The following CPQ variants were observed in gnomAD, a reference collection of about 807,000 sequenced individuals.
CPQ encodes the protein Ser-Met dipeptidase.
A neutral mutation model predicts 45.7 loss-of-function variants in CPQ; 37 were observed. The ratio of observed to expected loss-of-function variants is 0.81; its 90% CI spans 0.62 to 1.07. The LOEUF is 1.07. Among genes scored for constraint, CPQ ranks in the 50% least tolerant of loss-of-function variants. CPQ has a pLI of 0.00. For missense variants in CPQ, 537 were observed against 572.9 expected (o/e 0.94, Z 0.64); for synonymous variants, 186 against 205.8 (o/e 0.90, Z 0.82).
At chr8:96,681,819 C>A (rs921524878) in intron 1 of CPQ, among the ~76,000 whole-genome samples, 2 of 152,206 alleles carry the variant, frequency 1.3e-5, no homozygotes, top group Non-Finnish European at 2.9e-5. Context: ...GAGCCCACTT[C>A]TTACATCAGC....
intron 2 of CPQ, among the ~76,000 whole-genome samples, chr8:96,810,444 G>T (rs776864313): frequency 1.3e-5 from 2 of 152,204 alleles, no homozygotes; most frequent in Non-Finnish European, 2.9e-5. Flanking sequence ...TCACTTAGTG[G>T]TTAGAGTAAC....
At position 96,765,144 on chromosome 8, in the gene CPQ, G is replaced by A. The variant is rs183168682; in HGVS notation, c.-34-19720G>A. 5.1e-4 allele frequency among the ~76,000 whole-genome samples: 77 copies of A among 152,340 alleles called. 1 individual carries two copies. Among genetic ancestry groups the A allele is most frequent in the African/African-American group, 1.8e-3 (73 of 41,578 alleles). ...TGATTAGACTTTGCTAATTGACAGA[G>A]TGTTTGGCGCAATAGCCCAGGCAGA... On this transcript the variant is annotated intron_variant, in intron 1 of 7. Transcript: ENST00000220763.
At chr8:96,902,357 C>A (rs1812522002) in intron 4 of CPQ, among the ~76,000 whole-genome samples, 1 of 152,164 alleles carries the variant, frequency 6.6e-6, no homozygotes, top group Non-Finnish European at 1.5e-5. Context: ...AATAAATTGT[C>A]CGATGTTGCA....
At chr8:96,807,219 G>C (rs1214764133) in intron 2 of CPQ, among the ~76,000 whole-genome samples, 2 of 146,474 alleles carry the variant, frequency 1.4e-5, no homozygotes, top group African/African-American at 5.3e-5. Context: ...AGAGAAAACT[G>C]CTGTTTTTTT....
chr8:96,654,659 A>G lies in CPQ; in HGVS notation c.-35+9257A>G, dbSNP rs535835114. Among the ~76,000 whole-genome samples the G allele has an allele frequency of 1.2e-4, 18 of 152,318 alleles. No individual in the cohort carries two copies. The East Asian group carries it at 3.5e-3, about 29-fold the overall frequency. ...AGGGGCATTGTCTAATATGAAAATA[A>G]TTTTAAAAGGCATTCCCTTACCAGC... On this transcript the variant is annotated intron_variant, in intron 1 of 7. Transcript: ENST00000220763.
chr8:97,142,986 A>T (rs1812192703), intron 7 of CPQ, 34 bp from the exon 8 acceptor site: 2 of 1,608,320 alleles, frequency 1.2e-6, no homozygotes, highest in African/African-American at 2.7e-5. Context: ...CTGTCAAAAT[A>T]CTCCACTAAG....
intron 7 of CPQ, among the ~76,000 whole-genome samples, chr8:97,079,556 G>A (rs1810911614): frequency 6.6e-6 from 1 of 152,126 alleles, no homozygotes; most frequent in African/African-American, 2.4e-5. Flanking sequence ...ATATTAAGTA[G>A]AGAAGCTAGA....
intron 7 of CPQ, among the ~76,000 whole-genome samples, chr8:97,098,207 C>T (rs1183905655): frequency 6.6e-6 from 1 of 152,124 alleles, no homozygotes; most frequent in East Asian, 1.9e-4. Flanking sequence ...TCTGCAGCTG[C>T]TTCTCATTTA....
chr8:96,944,085 C>T (rs1813158160), intron 4 of CPQ, among the ~76,000 whole-genome samples: 1 of 152,114 alleles, frequency 6.6e-6, no homozygotes, highest in South Asian at 2.1e-4. Flanking sequence ...AGTTATACAG[C>T]CCTTCTGTTA....
chr8:96,833,286 CTTGT>C (rs889942359), intron 2 of CPQ, among the ~76,000 whole-genome samples: 1 of 152,060 alleles, frequency 6.6e-6, no homozygotes, highest in African/African-American at 2.4e-5. Flanking sequence ...ACTCCACTCT[CTTGT>C]TTGTTAAAAA....
chr8:97,094,824 G>C (rs1811184510), intron 7 of CPQ, among the ~76,000 whole-genome samples: 1 of 151,890 alleles, frequency 6.6e-6, no homozygotes, highest in Non-Finnish European at 1.5e-5. Context: ...TTGCAGCCAA[G>C]CTTTTTGTCC....
At chr8:96,901,447 T>C (rs569244807) in intron 4 of CPQ, among the ~76,000 whole-genome samples, 1 of 152,328 alleles carries the variant, frequency 6.6e-6, no homozygotes, top group African/African-American at 2.4e-5. Flanking sequence ...AGTCTTCTTA[T>C]GAAACCATTC....
intron 2 of CPQ, among the ~76,000 whole-genome samples, chr8:96,820,206 C>T (rs1030579203): frequency 6.6e-6 from 1 of 152,032 alleles, no homozygotes; most frequent in African/African-American, 2.4e-5. Context: ...GCTGCTGATT[C>T]CTTTGAGGCA....
intron 5 of CPQ, among the ~76,000 whole-genome samples, chr8:97,008,375 A>G (rs1303855991): frequency 1.3e-5 from 2 of 152,228 alleles, no homozygotes; most frequent in African/African-American, 4.8e-5. Flanking sequence ...TGTTTATACA[A>G]ATGTGAACAA....
intron 7 of CPQ, among the ~76,000 whole-genome samples, chr8:97,083,231 G>T (rs1297903541): frequency 6.6e-6 from 1 of 152,126 alleles, no homozygotes; most frequent in African/African-American, 2.4e-5. Context: ...TCCAAGGGGG[G>T]TGAATAATTT....
intron 5 of CPQ, among the ~76,000 whole-genome samples, chr8:97,001,081 A>G (rs960510574): frequency 2.0e-5 from 3 of 152,116 alleles, no homozygotes; most frequent in African/African-American, 7.2e-5. Context: ...ATTTTTACAC[A>G]TTGATTTTGT....
chr8:96,764,102 C>T (rs562335843), intron 1 of CPQ, among the ~76,000 whole-genome samples: 1 of 152,270 alleles, frequency 6.6e-6, no homozygotes, highest in South Asian at 2.1e-4. Flanking sequence ...AGGAGTTTTA[C>T]TTGTTATAGC....
At chr8:96,945,539 A>G (rs969348414) in intron 4 of CPQ, among the ~76,000 whole-genome samples, 3 of 152,166 alleles carry the variant, frequency 2.0e-5, no homozygotes, top group African/African-American at 7.2e-5. Context: ...AAAGCACTCC[A>G]TGCCATACAA....
At chr8:96,734,619 G>A (rs1474324073) in intron 1 of CPQ, among the ~76,000 whole-genome samples, 1 of 152,008 alleles carries the variant, frequency 6.6e-6, no homozygotes. Context: ...GCTGAGGCAG[G>A]GGAATGGCAT....
Sources: gnomAD v4.1 joint callset for allele counts (sites outside exome capture counted in the v4.1 genomes callset) on GRCh38, gnomAD v4.1.1 for gene constraint, MANE v1.5 for transcripts, NCBI Gene and HGNC (gene_info 2026-07-23, HGNC 2026-07-21) for gene names.